Variants in ADGRA3 observed in about 807,000 individuals in gnomAD.
The protein encoded by ADGRA3 is adhesion G protein-coupled receptor A3, also known as G-protein coupled receptor 125.
Under a neutral mutation model 119.8 loss-of-function variants are expected in ADGRA3, and 56 were observed. The observed-to-expected ratio is 0.47, with a 90% CI of 0.38 to 0.58. The LOEUF (loss-of-function observed/expected upper bound fraction) is 0.58. ADGRA3 is among the 20% of genes least tolerant of loss of function. ADGRA3 has a pLI of 0.00. For missense variants in ADGRA3, 1,516 were observed against 1,649.0 expected (o/e 0.92, Z 1.40); for synonymous variants, 607 against 623.8 (o/e 0.97, Z 0.40).
intron 16 of ADGRA3, chr4:22,392,923 A>G (rs896185060): frequency 8.9e-6 from 4 of 447,180 alleles, no homozygotes; most frequent in African/African-American, 6.0e-5. Context: ...ACAAACTACC[A>G]TTTATACCAA....
At chr4:22,416,475 G>A (rs1026570894) in intron 12 of ADGRA3, among the ~76,000 whole-genome samples, 2 of 152,154 alleles carry the variant, frequency 1.3e-5, no homozygotes, top group African/African-American at 4.8e-5. Flanking sequence ...GCACGACTTT[G>A]TTTAACCTCT....
At chr4:22,509,434 C>T (rs188153125) in intron 1 of ADGRA3, among the ~76,000 whole-genome samples, 3 of 150,212 alleles carry the variant, frequency 2.0e-5, no homozygotes, top group Admixed American at 1.3e-4. Flanking sequence ...ACCTGGGAGG[C>T]GGAGGCTGCA....
chr4:22,430,491 T>G (rs1379326353), intron 10 of ADGRA3, among the ~76,000 whole-genome samples: 1 of 152,130 alleles, frequency 6.6e-6, no homozygotes, highest in Admixed American at 6.5e-5. Flanking sequence ...GCTCTAGAGA[T>G]TTGTGGAAAT....
intron 6 of ADGRA3, among the ~76,000 whole-genome samples, chr4:22,443,327 T>C (rs1334190988): frequency 6.6e-6 from 1 of 152,186 alleles, no homozygotes; most frequent in African/African-American, 2.4e-5. Flanking sequence ...AACAGTATGT[T>C]AAGATCCCAT....
At chr4:22,502,693 C>T (rs73247119) in intron 1 of ADGRA3, among the ~76,000 whole-genome samples, 2,521 of 151,096 alleles carry the variant, frequency 0.017, 28 homozygotes, top group Middle Eastern at 0.059. Flanking sequence ...AATGGCTCCT[C>T]AAGAGGTAGG....
intron 8 of ADGRA3, among the ~76,000 whole-genome samples, chr4:22,437,695 C>T (rs142185727): frequency 6.6e-4 from 101 of 152,216 alleles, no homozygotes; most frequent in Middle Eastern, 3.4e-3. Flanking sequence ...GATTAACAAA[C>T]CCCACCTGGG....
At chr4:22,402,832 T>C (rs3733311) in intron 14 of ADGRA3, 33 bp from the exon 15 acceptor site, 70,605 of 1,586,082 alleles carry the variant, frequency 0.045, 4,035 homozygotes, top group East Asian at 0.27. Flanking sequence ...ATTCTAGCAG[T>C]ACTTCTCTCC....
intron 10 of ADGRA3, among the ~76,000 whole-genome samples, chr4:22,433,726 C>T (rs1200232442): frequency 1.3e-5 from 2 of 152,164 alleles, no homozygotes; most frequent in African/African-American, 4.8e-5. Flanking sequence ...ATTCTAGTAA[C>T]TAGAAACATC....
chr4:22,498,839 G>A (rs999247542), intron 1 of ADGRA3, among the ~76,000 whole-genome samples: 4 of 151,950 alleles, frequency 2.6e-5, no homozygotes, highest in Non-Finnish European at 5.9e-5. Flanking sequence ...GCTTGAACCC[G>A]GCAGGTAGAG....
At chr4:22,412,194 TG>T (rs1374917409) in intron 14 of ADGRA3, among the ~76,000 whole-genome samples, 1 of 152,164 alleles carries the variant, frequency 6.6e-6, no homozygotes, top group African/African-American at 2.4e-5. Context: ...AAACCATTTC[TG>T]GGAAATGTCT....
At chr4:22,515,316 T>G (rs1427871578) in intron 1 of ADGRA3, 1 of 462,634 alleles carries the variant, frequency 2.2e-6, no homozygotes, top group Admixed American at 4.6e-5. Context: ...CTTTGCAAAC[T>G]AGTGGAGCTG....
chr4:22,448,338 A>T (rs1298449769), intron 4 of ADGRA3, among the ~76,000 whole-genome samples: 7 of 152,160 alleles, frequency 4.6e-5, no homozygotes, highest in Non-Finnish European at 1.0e-4. Flanking sequence ...GGGGACTTCT[A>T]ATGCTAAAAT....
At position 22,388,170 on chromosome 4, in the gene ADGRA3, G is replaced by A. The variant is rs1459977966; in HGVS notation, c.3501C>T (p.His1167=). 5 of 1,613,860 alleles carry A rather than the reference G, an allele frequency of 3.1e-6. No individual in the cohort carries two copies. The highest frequency in any genetic ancestry group is 4.2e-6 in the Non-Finnish European group (5 of 1,179,994). Residue 1167 remains histidine (H), a synonymous_variant, in exon 19 of 19, where the codon CAC becomes CAT. Coordinates refer to ENST00000334304, the MANE Select transcript of ADGRA3 (RefSeq NM_145290.4). ...PLEVQFRTNV[H]SSRHHKNRSK... ...TTCTGTTTTTATGGTGGCGGCTTGA[G>A]TGCACATTTGTTCGAAACTGAACTT...
intron 1 of ADGRA3, among the ~76,000 whole-genome samples, chr4:22,479,038 G>T (rs892166838): frequency 6.6e-6 from 1 of 151,638 alleles, no homozygotes; most frequent in African/African-American, 2.4e-5. Flanking sequence ...AAAAAACTAA[G>T]AAACAAAAAA....
At chr4:22,397,717 T>C (rs1193520948) in intron 16 of ADGRA3, among the ~76,000 whole-genome samples, 1 of 152,124 alleles carries the variant, frequency 6.6e-6, no homozygotes, top group Admixed American at 6.6e-5. Flanking sequence ...TCATGAGATC[T>C]GATGGTTTTA....
intron 12 of ADGRA3, among the ~76,000 whole-genome samples, chr4:22,415,597 A>G (rs1198127903): frequency 6.6e-6 from 1 of 152,186 alleles, no homozygotes; most frequent in East Asian, 1.9e-4. Context: ...AAAGTATTAC[A>G]TAATGCACAT....
At chr4:22,502,411 T>C (rs1719078476) in intron 1 of ADGRA3, among the ~76,000 whole-genome samples, 1 of 152,120 alleles carries the variant, frequency 6.6e-6, no homozygotes, top group Admixed American at 6.5e-5. Context: ...ATGACAGGCA[T>C]TGAGATATAT....
chr4:22,424,437 G>C (rs952469051), intron 10 of ADGRA3, 85 bp from the exon 11 acceptor site: 2 of 1,444,248 alleles, frequency 1.4e-6, no homozygotes, highest in Non-Finnish European at 1.9e-6. Flanking sequence ...TGGACAGTGA[G>C]ATTGGCCTTC....
At chr4:22,403,646 T>C (rs1714766127) in intron 14 of ADGRA3, among the ~76,000 whole-genome samples, 1 of 151,776 alleles carries the variant, frequency 6.6e-6, no homozygotes, top group South Asian at 2.1e-4. Context: ...TAGGCTGAGG[T>C]TGGGAGGATC....
Sources: gnomAD v4.1 joint callset for allele counts (sites outside exome capture counted in the v4.1 genomes callset) on GRCh38, gnomAD v4.1.1 for gene constraint, MANE v1.5 for transcripts, NCBI Gene and HGNC (gene_info 2026-07-23, HGNC 2026-07-21) for gene names.